Variants in CDH4 observed in about 807,000 individuals in gnomAD.
The protein encoded by CDH4 is cadherin-4.
A neutral mutation model predicts 86.0 loss-of-function variants in CDH4; 33 were observed. The ratio of observed to expected loss-of-function variants is 0.38; its 90% CI spans 0.29 to 0.51. CDH4 has a LOEUF of 0.51. CDH4 is among the 20% of genes least tolerant of loss of function. The probability of loss-of-function intolerance (pLI) is 0.86; values close to 1 mark genes in which losing one functional copy is unlikely to be tolerated. For missense variants in CDH4, 1,114 were observed against 1,307.4 expected (o/e 0.85, Z 2.28); for synonymous variants, 555 against 549.4 (o/e 1.01, Z -0.14).
chr20:61,623,784 G>A lies in CDH4; in HGVS notation c.170-119779G>A, dbSNP rs538926364. Among the ~76,000 whole-genome samples, 2 of 152,212 alleles carry A rather than the reference G, an allele frequency of 1.3e-5. No individual in the cohort carries two copies. The highest frequency in any genetic ancestry group is 4.8e-5 in the African/African-American group (2 of 41,540). On this transcript the variant is annotated intron_variant, in intron 2 of 15. Coordinates refer to ENST00000614565, the MANE Select transcript of CDH4 (RefSeq NM_001794.5). This position sits in a 1 kb window ranked among gnomAD's most constrained non-coding sequence, Gnocchi z 4.4. ...CCCAGAATCTGAGCAGGAAAGACAC[G>A]GTTCCTAGAGCGAGGAACACCCCAG...
intron 2 of CDH4, among the ~76,000 whole-genome samples, chr20:61,592,299 T>C (rs1203899042): frequency 6.6e-6 from 1 of 152,188 alleles, no homozygotes; most frequent in Admixed American, 6.5e-5. Context: ...AGTGGAATGA[T>C]GTTTCTCCCA....
chr20:61,556,909 A>G (rs1019805717), intron 2 of CDH4, among the ~76,000 whole-genome samples: 2 of 152,126 alleles, frequency 1.3e-5, no homozygotes, highest in South Asian at 4.2e-4. Flanking sequence ...TCCTCACACC[A>G]GGGCTGATCC....
intron 2 of CDH4, among the ~76,000 whole-genome samples, chr20:61,383,084 T>G (rs2084913766): frequency 8.5e-6 from 1 of 118,018 alleles, no homozygotes; most frequent in African/African-American, 3.7e-5. Flanking sequence ...ATAATATATA[T>G]ATGAATATAT....
intron 2 of CDH4, among the ~76,000 whole-genome samples, chr20:61,609,808 A>T (rs2086671359): frequency 6.6e-6 from 1 of 152,338 alleles, no homozygotes; most frequent in Non-Finnish European, 1.5e-5. Flanking sequence ...CTCCACTCAC[A>T]TCCTTTGCCA....
At chr20:61,263,218 A>G (rs2084137688) in intron 2 of CDH4, among the ~76,000 whole-genome samples, 1 of 151,982 alleles carries the variant, frequency 6.6e-6, no homozygotes, top group Non-Finnish European at 1.5e-5. Flanking sequence ...GGCTGGTAAA[A>G]TCCTTGGTTT....
chr20:61,624,029 A>G (rs891919059), intron 2 of CDH4, among the ~76,000 whole-genome samples: 6 of 152,126 alleles, frequency 3.9e-5, no homozygotes, highest in Non-Finnish European at 5.9e-5. Flanking sequence ...TCTGGTTCCA[A>G]CGTTTTCTCG....
intron 4 of CDH4, among the ~76,000 whole-genome samples, chr20:61,802,227 A>T (rs1979867365): frequency 6.6e-6 from 1 of 152,216 alleles, no homozygotes. Context: ...AGGGCGCTAC[A>T]CACCCTGATC....
At chr20:61,543,756 A>G (rs1448476353) in intron 2 of CDH4, among the ~76,000 whole-genome samples, 2 of 152,158 alleles carry the variant, frequency 1.3e-5, no homozygotes, top group African/African-American at 4.8e-5. Context: ...TAATCTCACA[A>G]GTGTAAATTG....
intron 7 of CDH4, among the ~76,000 whole-genome samples, chr20:61,884,733 C>T (rs368147202): frequency 2.6e-5 from 4 of 152,316 alleles, no homozygotes; most frequent in East Asian, 3.9e-4. Flanking sequence ...GGGAAATTCA[C>T]CTGGACAGGT....
rs1407350874 is a variant in CDH4, at chr20:61,653,803, C to T, written c.170-89760C>T. 9.8e-5 allele frequency among the ~76,000 whole-genome samples: 11 copies of T among 112,744 alleles called. 2 individuals are homozygous for T. The highest frequency in any genetic ancestry group is 7.7e-4 in the Admixed American group (9 of 11,632). The allele number at this position is 112,744 out of a possible 152,430, so 74.0% of individuals were successfully genotyped here. ...CAGACGATGGGCGGCCGGGCAGAGA[C>T]GCTCCTCACTTCCTAGATGGGATGG... On this transcript the variant is annotated intron_variant, in intron 2 of 15. Transcript: ENST00000614565.
chr20:61,859,375 T>C (rs1455764592), intron 6 of CDH4, among the ~76,000 whole-genome samples: 1 of 152,228 alleles, frequency 6.6e-6, no homozygotes, highest in Admixed American at 6.5e-5. Context: ...CCAGGGTCTT[T>C]GCGAGCGAAA....
At chr20:61,662,340 C>A (rs58466196) in intron 2 of CDH4, among the ~76,000 whole-genome samples, 73,639 of 152,116 alleles carry the variant, frequency 0.48, 18,610 homozygotes, top group African/African-American at 0.58. Flanking sequence ...AGCCGCACAG[C>A]GCAACCTCTG....
chr20:61,724,192 C>T (rs2088082914), intron 2 of CDH4, among the ~76,000 whole-genome samples: 1 of 152,088 alleles, frequency 6.6e-6, no homozygotes, highest in Non-Finnish European at 1.5e-5. Context: ...CGGGGTGGGT[C>T]CCCATACAGG....
At position 61,417,336 on chromosome 20, in the gene CDH4, C is replaced by T. The variant is rs2145497543; in HGVS notation, c.169+162399C>T. ...CTCCCTCTACCTCTCTTCTCTCTCCCCTCACCCCTAGCCCCTCTCTCTCCT... is the reference window on the plus strand; with the variant it reads ...CTCCCTCTACCTCTCTTCTCTCTCCTCTCACCCCTAGCCCCTCTCTCTCCT... On this transcript the variant is annotated intron_variant, in intron 2 of 15. Coordinates refer to ENST00000614565, the MANE Select transcript of CDH4 (RefSeq NM_001794.5). The surrounding 1 kb of genome is among the most constrained non-coding windows in gnomAD (Gnocchi z 4.0). Among the ~76,000 whole-genome samples, 1 of 152,096 alleles carries T rather than the reference C, an allele frequency of 6.6e-6. No homozygotes were observed. Among genetic ancestry groups the T allele is most frequent in the East Asian group, 1.9e-4 (1 of 5,148 alleles).
intron 2 of CDH4, among the ~76,000 whole-genome samples, chr20:61,387,413 C>G (rs2084957597): frequency 7.2e-6 from 1 of 138,260 alleles, no homozygotes; most frequent in South Asian, 2.2e-4. Context: ...GCTACACAAA[C>G]ACACAGAGAC....
intron 2 of CDH4, among the ~76,000 whole-genome samples, chr20:61,730,119 C>T (rs573064919): frequency 9.2e-5 from 14 of 152,192 alleles, no homozygotes; most frequent in South Asian, 2.1e-4. Context: ...TTAGGACTGA[C>T]GGACAATGGA....
rs184254390 is a variant in CDH4, at chr20:61,589,700, G to A, written c.170-153863G>A. Among the ~76,000 whole-genome samples, 332 of 151,962 alleles carry A rather than the reference G, an allele frequency of 2.2e-3. 10 individuals are homozygous for A. Among genetic ancestry groups the A allele is most frequent in the Admixed American group, 0.022 (329 of 15,260 alleles). On this transcript the variant is annotated intron_variant, in intron 2 of 15. Coordinates refer to ENST00000614565, the MANE Select transcript of CDH4 (RefSeq NM_001794.5). The stretch of plus-strand genomic sequence containing the variant: ...TATATATGTGCCATGCTGGTGTGCT[G>A]CACCCATTAACTCGTCATTTAGCAT...
intron 4 of CDH4, among the ~76,000 whole-genome samples, chr20:61,813,406 C>A (rs1651340974): frequency 6.6e-6 from 1 of 152,208 alleles, no homozygotes; most frequent in Non-Finnish European, 1.5e-5. Flanking sequence ...ATAGCAGGAG[C>A]TGGGGGATGA....
chr20:61,777,822 A>C (rs533310040), intron 4 of CDH4, among the ~76,000 whole-genome samples: 10 of 145,114 alleles, frequency 6.9e-5, no homozygotes, highest in Middle Eastern at 3.7e-3. Flanking sequence ...ACACACATCC[A>C]CATGCGCACG....
Sources: gnomAD v4.1 joint callset for allele counts (sites outside exome capture counted in the v4.1 genomes callset) on GRCh38, gnomAD v4.1.1 for gene constraint, Gnocchi (gnomAD v3.1) non-coding constraint, MANE v1.5 for transcripts, NCBI Gene and HGNC (gene_info 2026-07-23, HGNC 2026-07-21) for gene names.